The following MYPOP variants were observed in gnomAD, a reference collection of about 807,000 sequenced individuals.
MYPOP encodes the protein myb-related transcription factor, partner of profilin.
MYPOP carries 21 observed loss-of-function variants against 25.7 expected under a neutral mutation model. The ratio of observed to expected loss-of-function variants is 0.82; its 90% CI spans 0.58 to 1.18. The LOEUF is 1.18. Among genes scored for constraint, MYPOP ranks in the 50% most tolerant of loss-of-function variants. MYPOP has a pLI of 0.00. For synonymous variants in MYPOP, 280 were observed against 247.9 expected (o/e 1.13, Z -1.22); for missense variants, 566 against 588.3 (o/e 0.96, Z 0.39).
At chr19:45,897,122 G>A (rs1341744784) in intron 2 of MYPOP, among the ~76,000 whole-genome samples, 1 of 149,680 alleles carries the variant, frequency 6.7e-6, no homozygotes, top group Non-Finnish European at 1.5e-5. Context: ...GGAGTGCAAT[G>A]GCGTAATCTC....
intron 2 of MYPOP, among the ~76,000 whole-genome samples, chr19:45,892,942 C>G (rs763273510): frequency 7.2e-5 from 11 of 152,174 alleles, no homozygotes; most frequent in Non-Finnish European, 1.3e-4. Context: ...TCACAAAGAA[C>G]CACAGATCAC....
At chr19:45,900,449 AC>A (rs57059844) in intron 2 of MYPOP, among the ~76,000 whole-genome samples, 17,475 of 76,486 alleles carry the variant, frequency 0.23, 1,024 homozygotes, top group African/African-American at 0.3. Flanking sequence ...CTCCTGGACC[AC>A]CCCCCCCCCC....
intron 2 of MYPOP, among the ~76,000 whole-genome samples, chr19:45,893,598 A>G (rs1281172348): frequency 6.7e-6 from 1 of 149,220 alleles, no homozygotes; most frequent in Non-Finnish European, 1.5e-5. Flanking sequence ...AGGCAAATCT[A>G]TAGAAACAGA....
intron 2 of MYPOP, among the ~76,000 whole-genome samples, chr19:45,894,029 T>A (rs1220373786): frequency 6.6e-6 from 1 of 151,732 alleles, no homozygotes; most frequent in Non-Finnish European, 1.5e-5. Flanking sequence ...GACCTCGTGA[T>A]CTGCCCACCT....
At chr19:45,896,247 C>T (rs902531418) in intron 2 of MYPOP, among the ~76,000 whole-genome samples, 7 of 152,182 alleles carry the variant, frequency 4.6e-5, no homozygotes, top group African/African-American at 1.7e-4. Context: ...CCCAAGATCA[C>T]ACCACTGCAC....
intron 2 of MYPOP, among the ~76,000 whole-genome samples, chr19:45,900,335 C>G (rs1302107361): frequency 6.6e-6 from 1 of 152,192 alleles, no homozygotes; most frequent in East Asian, 1.9e-4. Context: ...GCTTTCTTGC[C>G]TCCAAGCCAT....
At chr19:45,893,365 T>C (rs1967152670) in intron 2 of MYPOP, among the ~76,000 whole-genome samples, 1 of 151,020 alleles carries the variant, frequency 6.6e-6, no homozygotes, top group African/African-American at 2.4e-5. Flanking sequence ...TGTTGGGAGT[T>C]TGAGACCAGC....
intron 2 of MYPOP, among the ~76,000 whole-genome samples, chr19:45,897,892 C>T (rs1967228691): frequency 6.6e-6 from 1 of 150,886 alleles, no homozygotes; most frequent in Non-Finnish European, 1.5e-5. Context: ...TATTTGCAAA[C>T]TTTGGATCTC....
In MYPOP at chr19:45,890,646, G is replaced by C. The variant is rs961861104; in HGVS notation, c.1177C>G (p.Arg393Gly). Residue 393 changes from arginine (R) to glycine (G), a missense_variant, in exon 3 of 3, where the codon CGC (arginine) becomes GGC (glycine). Coordinates refer to ENST00000322217, the MANE Select transcript of MYPOP (RefSeq NM_001012643.4). ...RRKGFPTRKR[R>G]GRWKSP The stretch of plus-strand genomic sequence containing the variant: ...TTTCACGGAGATTTCCATCGGCCGC[G>C]CCTTTTCCGTGTAGGGAAACCTTTT... 6.3e-7 allele frequency: 1 copy of C among 1,587,612 alleles called. No individual in the cohort carries two copies. Among genetic ancestry groups the C allele is most frequent in the Non-Finnish European group, 8.6e-7 (1 of 1,165,864 alleles).
chr19:45,901,177 G>C lies in MYPOP; in HGVS notation c.499+98C>G. 8.5e-7 allele frequency: 1 copy of C among 1,170,646 alleles called. No individual in the cohort carries two copies. 72.5% of individuals were successfully genotyped at this position (1,170,646 alleles called of 1,614,324 possible). A position where few individuals can be genotyped will look rare whatever the true frequency, so the allele number is the denominator to read the frequency against. On this transcript the variant is annotated intron_variant, in intron 2 of 2. Coordinates refer to ENST00000322217, the MANE Select transcript of MYPOP (RefSeq NM_001012643.4). The surrounding 1 kb of genome is among the most constrained non-coding windows in gnomAD (Gnocchi z 5.7). ...TTCCCTAGCTATAAAATGGGGCGAA[G>C]GACAGCATCCACCTCACAGGGCTGC...
At position 45,901,270 on chromosome 19, in the gene MYPOP, C is replaced by T. The variant is rs1013185259; in HGVS notation, c.499+5G>A. Reference sequence around the variant, plus strand: ...AGGCACACAGCCTACTCTGAAGACACTCACCTGCACGTCGGTCCTCCCGGC... The same window carrying T: ...AGGCACACAGCCTACTCTGAAGACATTCACCTGCACGTCGGTCCTCCCGGC... On this transcript the variant is annotated splice_donor_5th_base_variant and intron_variant, in intron 2 of 2. Transcript: ENST00000322217. The surrounding 1 kb of genome is among the most constrained non-coding windows in gnomAD (Gnocchi z 5.7). The T allele has an allele frequency of 5.5e-6, 8 of 1,443,596 alleles. No individual in the cohort carries two copies. Among genetic ancestry groups the T allele is most frequent in the Non-Finnish European group, 2.7e-6 (3 of 1,099,082 alleles). 89.4% of individuals were successfully genotyped at this position (1,443,596 alleles called of 1,614,324 possible).
chr19:45,894,182 G>A (rs890685454), intron 2 of MYPOP, among the ~76,000 whole-genome samples: 5 of 142,530 alleles, frequency 3.5e-5, no homozygotes, highest in South Asian at 2.3e-4. Flanking sequence ...GTGTGATCTC[G>A]GCTCACTGCA....
At chr19:45,898,931 G>C (rs1423999768) in intron 2 of MYPOP, among the ~76,000 whole-genome samples, 2 of 152,102 alleles carry the variant, frequency 1.3e-5, no homozygotes, top group African/African-American at 2.4e-5. Flanking sequence ...CAACTACATA[G>C]AATGTCAGCT....
Position 45,890,484 on chromosome 19 carries a change from C to T in MYPOP, c.*139G>A. 7.2e-7 allele frequency: 1 copy of T among 1,391,778 alleles called. No homozygotes were observed. 86.2% of individuals were successfully genotyped at this position (1,391,778 alleles called of 1,614,324 possible). ...GAGGCCCCCCCCAGAGAATCAGGCA[C>T]TAACTAGCACAGGGAGTGGGTGCTC... On this transcript the variant is annotated 3_prime_UTR_variant, in exon 3 of 3. Transcript: ENST00000322217.
chr19:45,897,438 G>C (rs1967222199), intron 2 of MYPOP, among the ~76,000 whole-genome samples: 1 of 152,182 alleles, frequency 6.6e-6, no homozygotes, highest in Admixed American at 6.5e-5. Context: ...TCCTTATAAG[G>C]AACGTGGGAA....
intron 2 of MYPOP, among the ~76,000 whole-genome samples, chr19:45,897,926 C>CTT (rs988250393): frequency 7.2e-6 from 1 of 137,950 alleles, no homozygotes; most frequent in Admixed American, 7.3e-5. Flanking sequence ...GTTTTCTTTT[C>CTT]TTTTTTTTTT....
chr19:45,896,029 G>A (rs1393885361), intron 2 of MYPOP, among the ~76,000 whole-genome samples: 2 of 152,032 alleles, frequency 1.3e-5, no homozygotes, highest in Non-Finnish European at 2.9e-5. Flanking sequence ...CGGTGGCTCA[G>A]CCGGTAATCC....
In MYPOP at chr19:45,901,209, G is replaced by T. The variant is rs1967283517; in HGVS notation, c.499+66C>A. ...ATCCACCTCACAGGGCTGCAGCAAGGCTTTGATGAGACATGTAAAAGGCTT... is the reference window on the plus strand; with the variant it reads ...ATCCACCTCACAGGGCTGCAGCAAGTCTTTGATGAGACATGTAAAAGGCTT... On this transcript the variant is annotated intron_variant, in intron 2 of 2. Coordinates refer to ENST00000322217, the MANE Select transcript of MYPOP (RefSeq NM_001012643.4). This position sits in a 1 kb window ranked among gnomAD's most constrained non-coding sequence, Gnocchi z 5.7. The T allele has an allele frequency of 3.7e-6, 5 of 1,357,190 alleles. No individual in the cohort carries two copies. Among genetic ancestry groups the T allele is most frequent in the Non-Finnish European group, 4.8e-6 (5 of 1,042,506 alleles). 84.1% of individuals were successfully genotyped at this position (1,357,190 alleles called of 1,614,324 possible).
intron 2 of MYPOP, among the ~76,000 whole-genome samples, chr19:45,896,533 T>G (rs1328970545): frequency 6.6e-6 from 1 of 151,934 alleles, no homozygotes; most frequent in Non-Finnish European, 1.5e-5. Context: ...ATTTTATAGA[T>G]GAGGTGATTT....
Sources: allele counts gnomAD v4.1 joint callset (sites outside exome capture counted in the v4.1 genomes callset), GRCh38; gene constraint gnomAD v4.1.1; non-coding constraint Gnocchi (gnomAD v3.1); transcripts MANE v1.5; gene names NCBI Gene and HGNC (gene_info 2026-07-23, HGNC 2026-07-21).